Variants in MAP2K6 observed in about 807,000 individuals in gnomAD.
MAP2K6 encodes dual specificity mitogen-activated protein kinase kinase 6.
MAP2K6 carries 16 observed loss-of-function variants against 53.7 expected under a neutral mutation model. The ratio of observed to expected loss-of-function variants is 0.30; its 90% CI spans 0.20 to 0.45. The LOEUF (loss-of-function observed/expected upper bound fraction) is 0.45, where lower values mean the gene tolerates loss of function less well. Among genes scored for constraint, MAP2K6 ranks in the 20% least tolerant of loss-of-function variants. The pLI is 1.00. For synonymous variants in MAP2K6, 132 were observed against 143.1 expected, an observed-to-expected ratio of 0.92 and a Z score of 0.55; for missense variants, 204 against 411.9, an observed-to-expected ratio of 0.50 and a Z score of 4.37.
intron 1 of MAP2K6, among the ~76,000 whole-genome samples, chr17:69,451,426 T>G (rs1185143341): frequency 2.6e-4 from 40 of 152,202 alleles, no homozygotes; most frequent in Non-Finnish European, 4.4e-5. Flanking sequence ...TTTAGGACTC[T>G]TCAGTGCAGG....
rs1403752856 is a variant in MAP2K6 at position 69,416,591 on chromosome 17, T to C, written c.16+1591T>C. Among the ~76,000 whole-genome samples, 3 of 152,328 alleles carry C rather than the reference T, an allele frequency of 2.0e-5. No homozygotes were observed. The East Asian group carries it at 5.8e-4, about 29-fold the overall frequency. ...ATGCATGTATATACATATGTATGTG[T>C]GTATATATATGCATGTATATGTATG... On this transcript the variant is annotated intron_variant, in intron 1 of 11. Transcript: ENST00000590474.
chr17:69,533,121 G>T (rs60216021), intron 10 of MAP2K6, among the ~76,000 whole-genome samples: 541 of 152,080 alleles, frequency 3.6e-3, no homozygotes, highest in Middle Eastern at 0.014. Context: ...TAGAGTCGGG[G>T]TTTCACCGTA....
chr17:69,434,042 A>G (rs1906559867), intron 1 of MAP2K6: 1 of 152,172 alleles, frequency 6.6e-6, no homozygotes, highest in South Asian at 2.1e-4. Flanking sequence ...TCAACTATGC[A>G]TCTATGTCCC....
chr17:69,503,382 G>C (rs1306551020), intron 1 of MAP2K6, among the ~76,000 whole-genome samples: 1 of 152,156 alleles, frequency 6.6e-6, no homozygotes, highest in Non-Finnish European at 1.5e-5. Context: ...TGGTACATAG[G>C]AAAGCTCTAT....
intron 2 of MAP2K6, among the ~76,000 whole-genome samples, chr17:69,509,687 A>G (rs910916603): frequency 3.3e-5 from 5 of 152,120 alleles, no homozygotes; most frequent in Non-Finnish European, 7.3e-5. Context: ...AGAGCAGGCA[A>G]ACTTGCTTTG....
chr17:69,427,853 T>C (rs1458942669), intron 1 of MAP2K6, among the ~76,000 whole-genome samples: 2 of 152,236 alleles, frequency 1.3e-5, no homozygotes, highest in Admixed American at 1.3e-4. Context: ...ACAATGCAGA[T>C]TTAATTCTGA....
chr17:69,526,117 G>C (rs1910755437), intron 9 of MAP2K6, among the ~76,000 whole-genome samples: 1 of 152,110 alleles, frequency 6.6e-6, no homozygotes, highest in Admixed American at 6.6e-5. Context: ...TCCAAAAAAA[G>C]ATCTGTCATT....
chr17:69,532,893 C>T (rs1911154974), intron 10 of MAP2K6, among the ~76,000 whole-genome samples: 2 of 152,050 alleles, frequency 1.3e-5, no homozygotes, highest in Non-Finnish European at 2.9e-5. Flanking sequence ...GGTACTTTCC[C>T]CATATTTTCT....
intron 4 of MAP2K6, among the ~76,000 whole-genome samples, 186 bp downstream of exon 4, chr17:69,517,799 C>A (rs1210514330): frequency 6.6e-6 from 1 of 152,182 alleles, no homozygotes; most frequent in East Asian, 1.9e-4. Flanking sequence ...TGAGTTGTAT[C>A]TACTTTTTAT....
chr17:69,465,365 A>C (rs1226572285), intron 1 of MAP2K6, among the ~76,000 whole-genome samples: 2 of 151,990 alleles, frequency 1.3e-5, no homozygotes, highest in Non-Finnish European at 2.9e-5. Context: ...GCCCTCTTGC[A>C]TTTTGTATCA....
At chr17:69,495,098 T>TAA (rs33953795) in intron 1 of MAP2K6, among the ~76,000 whole-genome samples, 93 of 136,244 alleles carry the variant, frequency 6.8e-4, no homozygotes, top group African/African-American at 2.0e-3. Flanking sequence ...TACTTCCACA[T>TAA]AAAAAAAAAA....
intron 2 of MAP2K6, among the ~76,000 whole-genome samples, chr17:69,516,081 A>T (rs549620770): frequency 6.6e-6 from 1 of 151,724 alleles, no homozygotes; most frequent in Admixed American, 6.6e-5. Flanking sequence ...GGGTGGGGGG[A>T]TGATTTCGGG....
In MAP2K6 at chr17:69,502,619, A is replaced by T. The variant is rs991449559; in HGVS notation, c.17-3161A>T. The T allele has an allele frequency of 1.7e-5, 17 of 985,246 alleles. No individual in the cohort carries two copies. In the African/African-American group the frequency reaches 3.0e-4, roughly 17 times the overall value. 61.0% of individuals were successfully genotyped at this position (985,246 alleles called of 1,614,324 possible). A position where few individuals can be genotyped will look rare whatever the true frequency, so the allele number is the denominator to read the frequency against. On this transcript the variant is annotated intron_variant, in intron 1 of 11. Transcript: ENST00000590474. ...ATATGCAGATGTCCAACTTATATAC[A>T]TAGTCAAGGGTTTAGAGTCTGGAGA...
chr17:69,427,928 C>A (rs535074305), intron 1 of MAP2K6, among the ~76,000 whole-genome samples: 1 of 152,282 alleles, frequency 6.6e-6, no homozygotes, highest in East Asian at 1.9e-4. Context: ...GTTTTCCATC[C>A]CGAGTTTCAT....
chr17:69,473,715 A>T (rs1339632025), intron 1 of MAP2K6, among the ~76,000 whole-genome samples: 2 of 152,194 alleles, frequency 1.3e-5, no homozygotes, highest in Non-Finnish European at 2.9e-5. Flanking sequence ...AGAGAATGGC[A>T]GTTAATGTAC....
chr17:69,513,578 G>T (rs531299215), intron 2 of MAP2K6, among the ~76,000 whole-genome samples: 2 of 152,120 alleles, frequency 1.3e-5, no homozygotes, highest in Non-Finnish European at 2.9e-5. Flanking sequence ...TAAAAGGCCG[G>T]ATACTAAATA....
chr17:69,488,671 T>C (rs1416992507), intron 1 of MAP2K6, among the ~76,000 whole-genome samples: 2 of 152,166 alleles, frequency 1.3e-5, no homozygotes, highest in African/African-American at 2.4e-5. Context: ...GAGTACTGCA[T>C]GCTCTCACTT....
intron 10 of MAP2K6, among the ~76,000 whole-genome samples, chr17:69,532,705 A>G (rs1358028539): frequency 6.6e-6 from 1 of 152,152 alleles, no homozygotes. Flanking sequence ...TATCAGTTCC[A>G]TTAATTTAAT....
chr17:69,489,478 A>G (rs1452961366), intron 1 of MAP2K6, among the ~76,000 whole-genome samples: 1 of 152,216 alleles, frequency 6.6e-6, no homozygotes, highest in African/African-American at 2.4e-5. Context: ...TTATTACCTA[A>G]GACTACAGAA....
Sources: gnomAD v4.1 joint callset for allele counts (sites outside exome capture counted in the v4.1 genomes callset) on GRCh38, gnomAD v4.1.1 for gene constraint, MANE v1.5 for transcripts, NCBI Gene and HGNC (gene_info 2026-07-23, HGNC 2026-07-21) for gene names.